PRKG1: variants seen among roughly 807,000 people sequenced by gnomAD.
The protein encoded by PRKG1 is cGMP-dependent protein kinase 1.
A neutral mutation model predicts 88.1 loss-of-function variants in PRKG1; 35 were observed. That is an observed-to-expected ratio of 0.40 (90% CI 0.30 to 0.53). The LOEUF (loss-of-function observed/expected upper bound fraction) is 0.53. Among genes scored for constraint, PRKG1 ranks in the 20% least tolerant of loss-of-function variants. The probability of loss-of-function intolerance (pLI) is 0.59; values close to 1 mark genes in which losing one functional copy is unlikely to be tolerated. For missense variants in PRKG1, 540 were observed against 839.8 expected, an observed-to-expected ratio of 0.64 and a Z score of 4.41; for synonymous variants, 303 against 292.5, an observed-to-expected ratio of 1.04 and a Z score of -0.37.
intron 1 of PRKG1, among the ~76,000 whole-genome samples, chr10:51,013,966 A>T (rs1408699015): frequency 6.6e-6 from 1 of 152,240 alleles, no homozygotes; most frequent in Non-Finnish European, 1.5e-5. Context: ...AACAGCCATA[A>T]TAATATGCAG....
At chr10:52,148,957 CTTTTTTT>C (rs71904885) in intron 8 of PRKG1, among the ~76,000 whole-genome samples, 56 of 55,162 alleles carry the variant, frequency 1.0e-3, no homozygotes, top group Admixed American at 2.2e-3. Context: ...GATAGTTTTG[CTTTTTTT>C]TTTTTTTTTT....
chr10:52,203,383 T>G (rs919582455), intron 9 of PRKG1, among the ~76,000 whole-genome samples: 2 of 152,238 alleles, frequency 1.3e-5, no homozygotes, highest in Non-Finnish European at 2.9e-5. Context: ...GAGAGTGTGG[T>G]GGATATAATT....
chr10:51,825,056 A>G (rs1458672216), intron 4 of PRKG1, among the ~76,000 whole-genome samples: 1 of 152,120 alleles, frequency 6.6e-6, no homozygotes, highest in Admixed American at 6.6e-5. Context: ...ATTTTCCCCC[A>G]TGTTAGTGGT....
intron 4 of PRKG1, among the ~76,000 whole-genome samples, chr10:51,880,932 A>C (rs1433951129): frequency 6.6e-6 from 1 of 152,150 alleles, no homozygotes; most frequent in Non-Finnish European, 1.5e-5. Flanking sequence ...TAAACAAATA[A>C]CTACCCAAGT....
intron 1 of PRKG1, among the ~76,000 whole-genome samples, chr10:51,106,210 C>T (rs936198759): frequency 2.6e-5 from 4 of 152,218 alleles, no homozygotes; most frequent in African/African-American, 4.8e-5. Flanking sequence ...GAATACTATA[C>T]ACCTCACAGG....
At chr10:51,853,392 G>A (rs570576908) in intron 4 of PRKG1, among the ~76,000 whole-genome samples, 1 of 152,086 alleles carries the variant, frequency 6.6e-6, no homozygotes, top group Non-Finnish European at 1.5e-5. Context: ...GCTATGTGTG[G>A]TTAGACTGCA....
Position 51,415,527 on chromosome 10 carries a change from C to T in PRKG1, c.479-52196C>T, listed in dbSNP as rs962514296. On this transcript the variant is annotated intron_variant, in intron 2 of 17. Transcript: ENST00000373980. Reference sequence around the variant, plus strand: ...TTTTCTCCTCCTAAGTACTAATATACATTCCCCTGAGGTGAAAGGGCTCTC... The same window carrying T: ...TTTTCTCCTCCTAAGTACTAATATATATTCCCCTGAGGTGAAAGGGCTCTC... Among the ~76,000 whole-genome samples the T allele has an allele frequency of 2.0e-5, 3 of 152,164 alleles. 1 individual carries two copies. The highest frequency in any genetic ancestry group is 4.4e-5 in the Non-Finnish European group (3 of 68,036).
chr10:51,959,903 C>G (rs1843404084), intron 5 of PRKG1, among the ~76,000 whole-genome samples: 1 of 152,070 alleles, frequency 6.6e-6, no homozygotes, highest in Non-Finnish European at 1.5e-5. Flanking sequence ...TATCTTTCTA[C>G]TTTGTTTCAC....
intron 5 of PRKG1, among the ~76,000 whole-genome samples, chr10:52,026,489 G>A (rs945364176): frequency 2.0e-5 from 3 of 152,140 alleles, no homozygotes; most frequent in Non-Finnish European, 4.4e-5. Flanking sequence ...ATTTATAAGA[G>A]ATGTCCCAAA....
intron 2 of PRKG1, among the ~76,000 whole-genome samples, chr10:51,275,426 T>G (rs1321635905): frequency 6.6e-6 from 1 of 152,176 alleles, no homozygotes. Flanking sequence ...ATCCTAATTT[T>G]TCTTTGGAAA....
At chr10:51,164,498 C>T (rs1476917811) in intron 2 of PRKG1, among the ~76,000 whole-genome samples, 6 of 152,216 alleles carry the variant, frequency 3.9e-5, no homozygotes, top group South Asian at 2.1e-4. Flanking sequence ...CGCCTCTCCT[C>T]CTCCAAAGGA....
intron 3 of PRKG1, among the ~76,000 whole-genome samples, chr10:51,624,663 G>A (rs1175379327): frequency 1.3e-5 from 2 of 152,178 alleles, no homozygotes; most frequent in Non-Finnish European, 2.9e-5. Flanking sequence ...TGGCCACAGA[G>A]ATGTTTTTCA....
Position 51,635,329 on chromosome 10 carries a change from G to C in PRKG1, c.592+167493G>C, listed in dbSNP as rs16920739. Among the ~76,000 whole-genome samples the C allele has an allele frequency of 5.7e-3, 845 of 147,600 alleles. 7 individuals are homozygous for C. The highest frequency in any genetic ancestry group is 0.02 in the African/African-American group (814 of 40,432). On this transcript the variant is annotated intron_variant, in intron 3 of 17. Coordinates refer to ENST00000373980, the MANE Select transcript of PRKG1 (RefSeq NM_006258.4). ...AGGTTAGATATATGAAGTTGCCACA[G>C]TATGAAAGTGGAATGAAAATGCAAT...
chr10:51,819,223 G>A (rs1839679798), intron 4 of PRKG1, among the ~76,000 whole-genome samples: 1 of 151,820 alleles, frequency 6.6e-6, no homozygotes, highest in Non-Finnish European at 1.5e-5. Flanking sequence ...GAGAGAGGAA[G>A]CAAGAAAGAG....
intron 3 of PRKG1, among the ~76,000 whole-genome samples, chr10:51,746,105 T>C (rs1461249716): frequency 6.6e-6 from 1 of 152,148 alleles, no homozygotes; most frequent in Non-Finnish European, 1.5e-5. Context: ...CGCCTTAGCC[T>C]CCCAAAGTGC....
intron 3 of PRKG1, among the ~76,000 whole-genome samples, chr10:51,670,744 A>T (rs1051187893): frequency 8.0e-6 from 1 of 125,700 alleles, no homozygotes; most frequent in Admixed American, 7.7e-5. Context: ...TCAAAAAAAA[A>T]TAAATAAATA....
At chr10:51,916,721 A>G (rs1159902948) in intron 5 of PRKG1, among the ~76,000 whole-genome samples, 1 of 152,184 alleles carries the variant, frequency 6.6e-6, no homozygotes, top group Non-Finnish European at 1.5e-5. Flanking sequence ...CTTACACACA[A>G]AGGTTGATAG....
At chr10:52,243,959 A>C (rs1009735812) in intron 9 of PRKG1, among the ~76,000 whole-genome samples, 7 of 152,146 alleles carry the variant, frequency 4.6e-5, no homozygotes, top group African/African-American at 1.7e-4. Context: ...TGAAAACCAC[A>C]ATTTTGGAAA....
At chr10:51,409,850 C>CAA (rs71459417) in intron 2 of PRKG1, among the ~76,000 whole-genome samples, 1,888 of 79,452 alleles carry the variant, frequency 0.024, 89 homozygotes, top group Middle Eastern at 0.052. Context: ...GAGACTCTGT[C>CAA]AAAAAAAAAA....
Sources: gnomAD v4.1 joint callset for allele counts (sites outside exome capture counted in the v4.1 genomes callset) on GRCh38, gnomAD v4.1.1 for gene constraint, MANE v1.5 for transcripts, NCBI Gene and HGNC (gene_info 2026-07-23, HGNC 2026-07-21) for gene names.